The following CALML3 variants were observed in gnomAD, a reference collection of about 807,000 sequenced individuals.
CALML3 encodes calmodulin like 3.
For missense variants in CALML3, 198 were observed against 214.1 expected, an observed-to-expected ratio of 0.92 and a Z score of 0.47; for synonymous variants, 98 against 89.9, an observed-to-expected ratio of 1.09 and a Z score of -0.51.
chr10:5,525,282 TC>T lies in CALML3; in HGVS notation c.201del (p.Glu68SerfsTer5). ...IDRDGNGTVDFPEFLGMMARK... is the reference protein window; with the variant it reads ...IDRDGNGTVDXPEFLGMMARK... ...CGGGACGGCAACGGCACCGTGGACT[TC>T]CCCGAGTTCCTGGGCATGATGGCCA... is the stretch of plus-strand genomic sequence containing the variant. On this transcript the variant is annotated frameshift_variant, in exon 1 of 1. Transcript: ENST00000315238. LOFTEE classifies it low-confidence loss of function (END_TRUNC). The T allele has an allele frequency of 6.2e-7, 1 of 1,613,724 alleles. No homozygotes were observed. The highest frequency in any genetic ancestry group is 8.5e-7 in the Non-Finnish European group (1 of 1,179,930).
chr10:5,525,223 G>A lies in CALML3; in HGVS notation c.138G>A (p.Glu46=). The A allele has an allele frequency of 1.2e-6, 2 of 1,613,954 alleles. No homozygotes were observed. Among genetic ancestry groups the A allele is most frequent in the Non-Finnish European group, 1.7e-6 (2 of 1,179,996 alleles). ...VMRSLGQNPT[E]AELRDMMSEI... ...GGTCCCTGGGCCAGAACCCCACGGA[G>A]GCCGAGCTGCGGGACATGATGAGTG... Residue 46 remains glutamate, a synonymous_variant, in exon 1 of 1, where the codon GAG becomes GAA. Coordinates refer to ENST00000315238, the MANE Select transcript of CALML3 (RefSeq NM_005185.4).
chr10:5,525,439 TGACGAGGAGGTG>T lies in CALML3; in HGVS notation c.361_372del (p.Glu121_Glu124del), dbSNP rs1833568687. 1 of 1,613,520 alleles carries T rather than the reference TGACGAGGAGGTG, an allele frequency of 6.2e-7. No homozygotes were observed. The highest frequency in any genetic ancestry group is 1.3e-5 in the African/African-American group (1 of 74,828). ...TGACCCGGCTGGGGGAGAAGCTGAG[TGACGAGGAGGTG>T]GACGAGATGATCCGGGCCGCGGACA... On this transcript the variant is annotated inframe_deletion, in exon 1 of 1. Transcript: ENST00000315238.
At position 5,525,790 on chromosome 10, in the gene CALML3, G is replaced by A. The variant is rs538833186; in HGVS notation, c.*255G>A. 1 of 1,397,604 alleles carries A rather than the reference G, an allele frequency of 7.2e-7. No homozygotes were observed. The highest frequency in any genetic ancestry group is 1.5e-5 in the African/African-American group (1 of 68,874). The allele number at this position is 1,397,604 out of a possible 1,614,324, so 86.6% of individuals were successfully genotyped here. A position where few individuals can be genotyped will look rare whatever the true frequency, so the allele number is the denominator to read the frequency against. On this transcript the variant is annotated 3_prime_UTR_variant, in exon 1 of 1. Transcript: ENST00000315238. ...AAACCGTGACGCCCTCCCCACTCGGGAGAAGCAGAGCTGACCTTAGGACCG... is the reference window on the plus strand; with the variant it reads ...AAACCGTGACGCCCTCCCCACTCGGAAGAAGCAGAGCTGACCTTAGGACCG...
chr10:5,525,140 C>T lies in CALML3; in HGVS notation c.55C>T (p.Leu19=), dbSNP rs771404042. 1 of 1,613,284 alleles carries T rather than the reference C, an allele frequency of 6.2e-7. No homozygotes were observed. Among genetic ancestry groups the T allele is most frequent in the South Asian group, 1.1e-5 (1 of 91,036 alleles). ...QVTEFKEAFS[L]FDKDGDGCIT... ...CACAGAATTCAAGGAGGCCTTCTCC[C>T]TGTTTGACAAGGATGGGGACGGCTG... The change falls in exon 1 of 1, where the codon CTG becomes TTG. Residue 19 remains leucine (L), a synonymous_variant. Transcript: ENST00000315238.
rs1833579201 is a variant in CALML3, at chr10:5,525,837, G to A, written c.*302G>A. ...ACCGAGCACCAGGGCAGGTTGCGCT[G>A]ACTCTGCGGCCCTCCAGGACGGACA... On this transcript the variant is annotated 3_prime_UTR_variant, in exon 1 of 1. Coordinates refer to ENST00000315238, the MANE Select transcript of CALML3 (RefSeq NM_005185.4). The A allele has an allele frequency of 8.3e-7, 1 of 1,207,298 alleles. No individual in the cohort carries two copies. The highest frequency in any genetic ancestry group is 2.4e-5 in the South Asian group (1 of 42,538). 74.8% of individuals were successfully genotyped at this position (1,207,298 alleles called of 1,614,324 possible).
rs762565448 is a variant in CALML3 at position 5,525,385 on chromosome 10, C to T, written c.300C>T (p.Phe100=). Reference sequence around the variant, plus strand: ...TGTTCGACAAGGACGGCAACGGCTTCGTCAGCGCCGCCGAGCTGCGACACG... The same window carrying T: ...TGTTCGACAAGGACGGCAACGGCTTTGTCAGCGCCGCCGAGCTGCGACACG... The part of the protein sequence containing the change: ...FRVFDKDGNG[F]VSAAELRHVM... The change falls in exon 1 of 1, where the codon TTC becomes TTT. Residue 100 remains phenylalanine (F), a synonymous_variant. Transcript: ENST00000315238. The T allele has an allele frequency of 3.0e-5, 48 of 1,613,650 alleles. No individual in the cohort carries two copies. Among genetic ancestry groups the T allele is most frequent in the East Asian group, 1.8e-4 (8 of 44,880 alleles).
At position 5,525,298 on chromosome 10, in the gene CALML3, C is replaced by A. The variant is rs752359881; in HGVS notation, c.213C>A (p.Gly71=). ...CCGTGGACTTCCCCGAGTTCCTGGG[C>A]ATGATGGCCAGGAAGATGAAGGACA... The part of the protein sequence containing the change: ...NGTVDFPEFL[G]MMARKMKDTD... The change falls in exon 1 of 1, where the codon GGC becomes GGA. Residue 71 remains glycine, a synonymous_variant. Transcript: ENST00000315238. The A allele has an allele frequency of 1.9e-6, 3 of 1,614,006 alleles. No individual in the cohort carries two copies. The highest frequency in any genetic ancestry group is 2.2e-5 in the South Asian group (2 of 91,064).
chr10:5,525,881 C>A lies in CALML3; in HGVS notation c.*346C>A. On this transcript the variant is annotated 3_prime_UTR_variant, in exon 1 of 1. Coordinates refer to ENST00000315238, the MANE Select transcript of CALML3 (RefSeq NM_005185.4). ...ACGGACACCGGGTGACCCCTTAGGGCACCCAGGCAAGATCCCTAAGAGGCA... is the reference window on the plus strand; with the variant it reads ...ACGGACACCGGGTGACCCCTTAGGGAACCCAGGCAAGATCCCTAAGAGGCA... 1 of 740,702 alleles carries A rather than the reference C, an allele frequency of 1.4e-6. No homozygotes were observed. Among genetic ancestry groups the A allele is most frequent in the Non-Finnish European group, 1.8e-6 (1 of 561,252 alleles). 45.9% of individuals were successfully genotyped at this position (740,702 alleles called of 1,614,324 possible).
rs1353632856 is a variant in CALML3 at position 5,526,616 on chromosome 10, G to C, written c.*1081G>C. 1 of 167,302 alleles carries C rather than the reference G, an allele frequency of 6.0e-6. No homozygotes were observed. The highest frequency in any genetic ancestry group is 2.4e-5 in the African/African-American group (1 of 41,446). The allele number at this position is 167,302 out of a possible 1,614,324, so 10.4% of individuals were successfully genotyped here. A position where few individuals can be genotyped will look rare whatever the true frequency, so the allele number is the denominator to read the frequency against. On this transcript the variant is annotated 3_prime_UTR_variant, in exon 1 of 1. Transcript: ENST00000315238. Reference sequence around the variant, plus strand: ...GATGGTGAGGGGTTGGGGGGCAGTTGGGCACACACAGTGTAAGAGCAATTC... The same window carrying C: ...GATGGTGAGGGGTTGGGGGGCAGTTCGGCACACACAGTGTAAGAGCAATTC...
Position 5,525,604 on chromosome 10 carries a change from C to T in CALML3, c.*69C>T. On this transcript the variant is annotated 3_prime_UTR_variant, in exon 1 of 1. Coordinates refer to ENST00000315238, the MANE Select transcript of CALML3 (RefSeq NM_005185.4). ...GGCAAGAACCCGGGGCCTCCCGCCT[C>T]CTCCCCCATCCCCCTGCCTCCCCTG... 1 of 1,468,142 alleles carries T rather than the reference C, an allele frequency of 6.8e-7. No homozygotes were observed. Among genetic ancestry groups the T allele is most frequent in the Non-Finnish European group, 9.1e-7 (1 of 1,104,636 alleles). The allele number at this position is 1,468,142 out of a possible 1,614,324, so 90.9% of individuals were successfully genotyped here.
Position 5,525,929 on chromosome 10 carries a change from C to G in CALML3, c.*394C>G. The G allele has an allele frequency of 3.4e-6, 1 of 295,584 alleles. No homozygotes were observed. Among genetic ancestry groups the G allele is most frequent in the Non-Finnish European group, 5.8e-6 (1 of 173,530 alleles). The allele number at this position is 295,584 out of a possible 1,614,324, so 18.3% of individuals were successfully genotyped here. A position where few individuals can be genotyped will look rare whatever the true frequency, so the allele number is the denominator to read the frequency against. The stretch of plus-strand genomic sequence containing the variant: ...GCACCCAATGCCCAGGCCAGGGGGG[C>G]TGCAGCCCTCAGCCCCCGCCAGGAT... On this transcript the variant is annotated 3_prime_UTR_variant, in exon 1 of 1. Transcript: ENST00000315238.
At position 5,525,406 on chromosome 10, in the gene CALML3, A is replaced by C; in HGVS notation, c.321A>C (p.Arg107=). 1 of 1,613,850 alleles carries C rather than the reference A, an allele frequency of 6.2e-7. No homozygotes were observed. Among genetic ancestry groups the C allele is most frequent in the Non-Finnish European group, 8.5e-7 (1 of 1,179,986 alleles). The change falls in exon 1 of 1, where the codon CGA becomes CGC. Residue 107 remains arginine (R), a synonymous_variant. Transcript: ENST00000315238. ...GNGFVSAAEL[R]HVMTRLGEKL... ...GCTTCGTCAGCGCCGCCGAGCTGCG[A>C]CACGTCATGACCCGGCTGGGGGAGA... is the stretch of plus-strand genomic sequence containing the variant.
In CALML3 at chr10:5,526,536, T is replaced by C. The variant is rs553026638; in HGVS notation, c.*1001T>C. 1 of 167,248 alleles carries C rather than the reference T, an allele frequency of 6.0e-6. No homozygotes were observed. The highest frequency in any genetic ancestry group is 2.1e-4 in the South Asian group (1 of 4,822). The allele number at this position is 167,248 out of a possible 1,614,324, so 10.4% of individuals were successfully genotyped here. ...ATTACGTTGAGAAGGGACCTGCTGA[T>C]TGCTTTGATTCCCCCTGGCAAGTGC... On this transcript the variant is annotated 3_prime_UTR_variant, in exon 1 of 1. Coordinates refer to ENST00000315238, the MANE Select transcript of CALML3 (RefSeq NM_005185.4).
At position 5,525,639 on chromosome 10, in the gene CALML3, G is replaced by GCTT; in HGVS notation, c.*106_*108dup. ...CCCCCTGCCTCCCCTGGGCACTGTG[G>GCTT]CTTCCTCCTGCGCCTGGTTGATTCA... On this transcript the variant is annotated 3_prime_UTR_variant, in exon 1 of 1. Coordinates refer to ENST00000315238, the MANE Select transcript of CALML3 (RefSeq NM_005185.4). The GCTT allele has an allele frequency of 6.9e-7, 1 of 1,456,680 alleles. No individual in the cohort carries two copies. The highest frequency in any genetic ancestry group is 9.1e-7 in the Non-Finnish European group (1 of 1,104,010). The allele number at this position is 1,456,680 out of a possible 1,614,324, so 90.2% of individuals were successfully genotyped here.
Position 5,525,380 on chromosome 10 carries a change from G to C in CALML3, c.295G>C (p.Gly99Arg). Residue 99 changes from glycine (G) to arginine (R), a missense_variant, in exon 1 of 1, where the codon GGC becomes CGC. Physicochemically the swap from Gly to Arg is moderately radical, Grantham distance 125. Transcript: ENST00000315238. ...CCGCGTGTTCGACAAGGACGGCAACGGCTTCGTCAGCGCCGCCGAGCTGCG... is the reference window on the plus strand; with the variant it reads ...CCGCGTGTTCGACAAGGACGGCAACCGCTTCGTCAGCGCCGCCGAGCTGCG... ...AFRVFDKDGN[G>R]FVSAAELRHV... is the part of the protein sequence containing the mutation. 6.2e-7 allele frequency: 1 copy of C among 1,613,818 alleles called. No individual in the cohort carries two copies. Among genetic ancestry groups the C allele is most frequent in the Non-Finnish European group, 8.5e-7 (1 of 1,179,982 alleles).
Position 5,525,077 on chromosome 10 carries a change from A to C in CALML3, c.-9A>C. 6.3e-7 allele frequency: 1 copy of C among 1,581,766 alleles called. No individual in the cohort carries two copies. The highest frequency in any genetic ancestry group is 8.6e-7 in the Non-Finnish European group (1 of 1,158,838). On this transcript the variant is annotated 5_prime_UTR_variant, in exon 1 of 1. Coordinates refer to ENST00000315238, the MANE Select transcript of CALML3 (RefSeq NM_005185.4). ...GGCCTCTTCTGCCACCCACGCCCCCACCCCTGGCATGGCCGACCAGCTGAC... is the reference window on the plus strand; with the variant it reads ...GGCCTCTTCTGCCACCCACGCCCCCCCCCCTGGCATGGCCGACCAGCTGAC...
At position 5,525,603 on chromosome 10, in the gene CALML3, T is replaced by G; in HGVS notation, c.*68T>G. The G allele has an allele frequency of 4.4e-5, 45 of 1,027,872 alleles. No individual in the cohort carries two copies. Among genetic ancestry groups the G allele is most frequent in the Non-Finnish European group, 5.8e-5 (41 of 706,504 alleles). The allele number at this position is 1,027,872 out of a possible 1,614,324, so 63.7% of individuals were successfully genotyped here. A position where few individuals can be genotyped will look rare whatever the true frequency, so the allele number is the denominator to read the frequency against. On this transcript the variant is annotated 3_prime_UTR_variant, in exon 1 of 1. Coordinates refer to ENST00000315238, the MANE Select transcript of CALML3 (RefSeq NM_005185.4). ...GGGCAAGAACCCGGGGCCTCCCGCC[T>G]CCTCCCCCATCCCCCTGCCTCCCCT...
rs1419122926 is a variant in CALML3, at chr10:5,525,448, G to A, written c.363G>A (p.Glu121=). 6.2e-7 allele frequency: 1 copy of A among 1,613,992 alleles called. No homozygotes were observed. Among genetic ancestry groups the A allele is most frequent in the South Asian group, 1.1e-5 (1 of 91,074 alleles). The change falls in exon 1 of 1, where the codon GAG becomes GAA. Residue 121 remains glutamate, a synonymous_variant. Coordinates refer to ENST00000315238, the MANE Select transcript of CALML3 (RefSeq NM_005185.4). The part of the protein sequence containing the change: ...TRLGEKLSDE[E]VDEMIRAADT... ...TGGGGGAGAAGCTGAGTGACGAGGAGGTGGACGAGATGATCCGGGCCGCGG... is the reference window on the plus strand; with the variant it reads ...TGGGGGAGAAGCTGAGTGACGAGGAAGTGGACGAGATGATCCGGGCCGCGG...
rs1833568569 is a variant in CALML3 at position 5,525,426 on chromosome 10, G to C, written c.341G>C (p.Gly114Ala). 7 of 1,614,004 alleles carry C rather than the reference G, an allele frequency of 4.3e-6. No homozygotes were observed. Among genetic ancestry groups the C allele is most frequent in the South Asian group, 1.1e-5 (1 of 91,078 alleles). The stretch of plus-strand genomic sequence containing the variant: ...CTGCGACACGTCATGACCCGGCTGG[G>C]GGAGAAGCTGAGTGACGAGGAGGTG... Reference protein sequence around the residue: ...AELRHVMTRLGEKLSDEEVDE... With the variant: ...AELRHVMTRLAEKLSDEEVDE... Residue 114 changes from glycine (G) to alanine (A), a missense_variant, in exon 1 of 1, where the codon GGG becomes GCG. Transcript: ENST00000315238.
Sources: allele counts gnomAD v4.1 joint callset, GRCh38; gene constraint gnomAD v4.1.1; transcripts MANE v1.5; gene names NCBI Gene and HGNC (gene_info 2026-07-23, HGNC 2026-07-21).